RTN4: variants seen among roughly 807,000 people sequenced by gnomAD.
RTN4 encodes the protein reticulon 4, also known as reticulon-4.
Under a neutral mutation model 90.4 loss-of-function variants are expected in RTN4, and 32 were observed. The ratio of observed to expected loss-of-function variants is 0.35; its 90% confidence interval spans 0.27 to 0.48. RTN4 has a LOEUF of 0.48. Among genes scored for constraint, RTN4 ranks in the 20% least tolerant of loss-of-function variants. The pLI is 0.99. For synonymous variants in RTN4, 629 were observed against 552.5 expected (o/e 1.14, Z -1.94); for missense variants, 1,706 against 1,430.2 (o/e 1.19, Z -3.11).
upstream of RTN4, among the ~76,000 whole-genome samples, chr2:55,052,271 C>T (rs778009116): frequency 6.6e-6 from 1 of 152,036 alleles, no homozygotes; most frequent in African/African-American, 2.4e-5. Context: ...CACCTCAATG[C>T]GTTATGTTAA....
chr2:55,116,709 A>C (rs1057338045), upstream of RTN4, among the ~76,000 whole-genome samples: 1 of 152,212 alleles, frequency 6.6e-6, no homozygotes, highest in Non-Finnish European at 1.5e-5. Context: ...AGGCAGGACC[A>C]GAATTCAGGT....
chr2:55,000,367 T>C (rs1679766697), intron 3 of RTN4, among the ~76,000 whole-genome samples: 1 of 152,202 alleles, frequency 6.6e-6, no homozygotes, highest in Admixed American at 6.5e-5. Context: ...TTTCAGGTCC[T>C]TGTCTCTTCC....
At chr2:55,080,299 T>C (rs1668685718) in intron 2 of RTN4, among the ~76,000 whole-genome samples, 1 of 152,104 alleles carries the variant, frequency 6.6e-6, no homozygotes, top group South Asian at 2.1e-4. Flanking sequence ...ATTACAGGTG[T>C]GAACCAATAT....
In RTN4 at chr2:55,025,474, G is replaced by A; in HGVS notation, c.2625C>T (p.Ile875=). 6.2e-7 allele frequency: 1 copy of A among 1,613,710 alleles called. No individual in the cohort carries two copies. The highest frequency in any genetic ancestry group is 1.6e-4 in the Middle Eastern group (1 of 6,062). Residue 875 remains isoleucine, a synonymous_variant, in exon 3 of 9, where the codon ATC becomes ATT. Coordinates refer to ENST00000337526, the MANE Select transcript of RTN4 (RefSeq NM_020532.5). ...IEIIDEFPTL[I]SSKTDSFSKL... ...TAGAAAATGAATCAGTTTTAGAACT[G>A]ATCAATGTAGGGAACTCATCTATAA...
chr2:55,124,666 A>G, the RTN4 span, among the ~76,000 whole-genome samples: 8 of 152,242 alleles, frequency 5.3e-5, no homozygotes, highest in Non-Finnish European at 1.2e-4. Context: ...ATTCAATGCT[A>G]TTCCTATCAA....
chr2:54,984,875 G>T (rs1678423837), intron 4 of RTN4, among the ~76,000 whole-genome samples: 1 of 152,234 alleles, frequency 6.6e-6, no homozygotes, highest in South Asian at 2.1e-4. Context: ...GGACATTGAG[G>T]CAGGAGGATT....
At position 55,049,739 on chromosome 2, in the gene RTN4, A is replaced by C; in HGVS notation, c.556+6T>G. On this transcript the variant is annotated splice_donor_region_variant and intron_variant, in intron 1 of 8. Transcript: ENST00000337526. ...GCGGCGCGAAGCGAGAGGTCGCGGC[A>C]CTCACCCACTGAGCCCGAGGAGCCC... The C allele has an allele frequency of 7.3e-7, 1 of 1,376,686 alleles. No individual in the cohort carries two copies. Among genetic ancestry groups the C allele is most frequent in the Non-Finnish European group, 9.4e-7 (1 of 1,060,480 alleles). The allele number at this position is 1,376,686 out of a possible 1,614,324, so 85.3% of individuals were successfully genotyped here. A position where few individuals can be genotyped will look rare whatever the true frequency, so the allele number is the denominator to read the frequency against.
chr2:54,990,963 T>C (rs1366600630), intron 3 of RTN4, among the ~76,000 whole-genome samples: 1 of 152,078 alleles, frequency 6.6e-6, no homozygotes. Context: ...TTTGTTTTTT[T>C]AGTAGAGACG....
chr2:54,976,075 T>G (rs1677607968), intron 5 of RTN4, among the ~76,000 whole-genome samples: 1 of 152,214 alleles, frequency 6.6e-6, no homozygotes, highest in South Asian at 2.1e-4. Context: ...TACTATAGAG[T>G]AAGAGAGTTA....
intron 2 of RTN4, among the ~76,000 whole-genome samples, chr2:55,070,251 A>C (rs1668469556): frequency 6.6e-6 from 1 of 151,810 alleles, no homozygotes; most frequent in South Asian, 2.1e-4. Context: ...CCCTTCCCCA[A>C]ATCCTCCCCA....
chr2:55,017,427 T>A (rs1307025995), intron 3 of RTN4, among the ~76,000 whole-genome samples: 4 of 152,192 alleles, frequency 2.6e-5, no homozygotes, highest in Non-Finnish European at 5.9e-5. Flanking sequence ...AAGTGAGTGA[T>A]CATGGTAATA....
chr2:55,104,267 G>C (rs1301222287), intron 1 of RTN4, among the ~76,000 whole-genome samples: 1 of 151,660 alleles, frequency 6.6e-6, no homozygotes, highest in African/African-American at 2.4e-5. Context: ...ATGTGGGCCA[G>C]GCTGGTCTCA....
At chr2:55,020,152 G>A (rs1298105907) in intron 3 of RTN4, among the ~76,000 whole-genome samples, 2 of 152,114 alleles carry the variant, frequency 1.3e-5, no homozygotes, top group East Asian at 3.9e-4. Context: ...CAGATTCAAT[G>A]CAATCCCTAA....
intron 1 of RTN4, among the ~76,000 whole-genome samples, chr2:55,046,266 A>C: frequency 6.6e-6 from 1 of 152,276 alleles, no homozygotes; most frequent in East Asian, 1.9e-4. Context: ...TCACAATATA[A>C]TTATTTAATA....
chr2:55,025,915 C>A lies in RTN4; in HGVS notation c.2184G>T (p.Val728=), dbSNP rs539497351. The A allele has an allele frequency of 6.2e-7, 1 of 1,613,426 alleles. No homozygotes were observed. The highest frequency in any genetic ancestry group is 1.1e-5 in the South Asian group (1 of 90,946). The change falls in exon 3 of 9, where the codon GTG becomes GTT. Residue 728 remains valine (V), a synonymous_variant. Transcript: ENST00000337526. ...YSEMAKVEQP[V]PDHSELVEDS... ...CTTCAACTAGCTCAGAATGATCAGG[C>A]ACTGGCTGTTCAACTTTTGCCATTT...
chr2:55,085,335 G>GAA (rs1668817443), intron 1 of RTN4, among the ~76,000 whole-genome samples: 1 of 134,408 alleles, frequency 7.4e-6, no homozygotes, highest in Non-Finnish European at 1.7e-5. Context: ...ACACATAGAA[G>GAA]GAGAGAGAGG....
At chr2:55,074,577 A>G (rs547326596) in intron 2 of RTN4, among the ~76,000 whole-genome samples, 2 of 152,020 alleles carry the variant, frequency 1.3e-5, no homozygotes, top group Admixed American at 1.3e-4. Flanking sequence ...AAATCATTCT[A>G]TGAAGACAGT....
Position 54,980,780 on chromosome 2 carries a change from C to A in RTN4, c.3360+1735G>T, listed in dbSNP as rs111580248. On this transcript the variant is annotated intron_variant, in intron 5 of 8. Coordinates refer to ENST00000337526, the MANE Select transcript of RTN4 (RefSeq NM_020532.5). ...CTTACAGACAGTATTTCTTCTCAGT[C>A]AATTCCTACCCACAAACCATCCATC... Among the ~76,000 whole-genome samples the A allele has an allele frequency of 1.1e-3, 162 of 152,316 alleles. 2 individuals carry two copies. Among genetic ancestry groups the A allele is most frequent in the African/African-American group, 3.8e-3 (159 of 41,566 alleles).
intron 1 of RTN4, among the ~76,000 whole-genome samples, chr2:55,040,073 A>G (rs570923935): frequency 5.3e-4 from 81 of 152,314 alleles, no homozygotes; most frequent in African/African-American, 1.8e-3. Flanking sequence ...TTATAGCCCT[A>G]ATCCTTATGG....
Sources: gnomAD v4.1 joint callset for allele counts (sites outside exome capture counted in the v4.1 genomes callset) on GRCh38, gnomAD v4.1.1 for gene constraint, MANE v1.5 for transcripts, NCBI Gene and HGNC (gene_info 2026-07-23, HGNC 2026-07-21) for gene names.